Variants in HPSE2 observed in about 807,000 individuals in gnomAD.
HPSE2 encodes inactive heparanase-2.
In HPSE2, 38 loss-of-function variants were observed where a neutral mutation model predicts 60.5. The ratio of observed to expected loss-of-function variants is 0.63; its 90% CI spans 0.48 to 0.82. The LOEUF (loss-of-function observed/expected upper bound fraction) is 0.82, where lower values mean the gene tolerates loss of function less well. Ranked by LOEUF, HPSE2 falls within the 40% of genes least tolerant of loss-of-function variation. HPSE2 has a pLI of 0.00. For missense variants in HPSE2, 713 were observed against 740.4 expected (o/e 0.96, Z 0.43); for synonymous variants, 295 against 293.2 (o/e 1.01, Z -0.06).
In HPSE2 at chr10:98,864,295, G is replaced by A. The variant is rs538749306; in HGVS notation, c.611-120239C>T. The stretch of plus-strand genomic sequence containing the variant: ...TTATAGATATTTATTTTTCTTAATT[G>A]TCCTCCATGAAATTTTAATACTACA... On this transcript the variant is annotated intron_variant, in intron 3 of 11. Transcript: ENST00000370552. 4.6e-5 allele frequency among the ~76,000 whole-genome samples: 7 copies of A among 152,026 alleles called. 1 individual carries two copies. The South Asian group carries it at 1.5e-3, about 32-fold the overall frequency.
intron 9 of HPSE2, among the ~76,000 whole-genome samples, chr10:98,552,790 G>A (rs1943899991): frequency 6.6e-6 from 1 of 151,988 alleles, no homozygotes; most frequent in South Asian, 2.1e-4. Flanking sequence ...TCTTAGATTT[G>A]ATGATATGAG....
At chr10:99,299,700 C>T in the HPSE2 span, among the ~76,000 whole-genome samples, 1 of 152,088 alleles carries the variant, frequency 6.6e-6, no homozygotes, top group Non-Finnish European at 1.5e-5. Flanking sequence ...ATGCAGAAAT[C>T]ATATGTTAAC....
chr10:98,600,899 A>G (rs377302777), intron 9 of HPSE2, among the ~76,000 whole-genome samples: 51,244 of 116,056 alleles, frequency 0.44, 13,253 homozygotes, highest in Admixed American at 0.56. Flanking sequence ...ATACGTATAT[A>G]TATGTGTGTG....
chr10:99,306,565 T>C, the HPSE2 span, among the ~76,000 whole-genome samples: 3 of 152,194 alleles, frequency 2.0e-5, no homozygotes, highest in Non-Finnish European at 4.4e-5. Context: ...GTGGCATCAT[T>C]AGTCCCAACA....
intron 3 of HPSE2, among the ~76,000 whole-genome samples, chr10:98,872,993 G>A (rs984633711): frequency 6.6e-5 from 10 of 152,086 alleles, no homozygotes; most frequent in Non-Finnish European, 1.5e-4. Flanking sequence ...TGCTTGCTCT[G>A]TTTAGAAGGT....
intron 3 of HPSE2, among the ~76,000 whole-genome samples, chr10:99,054,958 C>T (rs965457573): frequency 6.6e-6 from 1 of 151,982 alleles, no homozygotes; most frequent in Non-Finnish European, 1.5e-5. Flanking sequence ...GTGATCTGCC[C>T]GCCTCAGCCT....
At chr10:99,160,674 C>T (rs1195330553) in intron 2 of HPSE2, among the ~76,000 whole-genome samples, 2 of 151,670 alleles carry the variant, frequency 1.3e-5, no homozygotes, top group Non-Finnish European at 2.9e-5. Flanking sequence ...CCGAGGCGGG[C>T]GGATCACGAG....
chr10:98,824,849 C>T (rs561859295), intron 3 of HPSE2, among the ~76,000 whole-genome samples: 5 of 152,300 alleles, frequency 3.3e-5, no homozygotes, highest in African/African-American at 1.2e-4. Flanking sequence ...TGGTATAGCA[C>T]TTAGCAGGCT....
chr10:98,736,391 C>G (rs1406961490), intron 4 of HPSE2, among the ~76,000 whole-genome samples: 1 of 152,066 alleles, frequency 6.6e-6, no homozygotes, highest in Non-Finnish European at 1.5e-5. Context: ...CTTTATACAG[C>G]AGCTGTCCCA....
the HPSE2 span, among the ~76,000 whole-genome samples, chr10:99,276,928 A>C: frequency 6.6e-6 from 1 of 152,328 alleles, no homozygotes; most frequent in Admixed American, 6.5e-5. Context: ...TGCTGATTGA[A>C]ACCATTTATA....
At chr10:99,168,923 G>T (rs1052007673) in intron 2 of HPSE2, among the ~76,000 whole-genome samples, 4 of 152,200 alleles carry the variant, frequency 2.6e-5, no homozygotes, top group African/African-American at 9.6e-5. Flanking sequence ...GGCCGGGCAT[G>T]GTGGCTTGCG....
chr10:99,030,413 T>C (rs1396514899), intron 3 of HPSE2, among the ~76,000 whole-genome samples: 1 of 152,178 alleles, frequency 6.6e-6, no homozygotes, highest in Non-Finnish European at 1.5e-5. Flanking sequence ...TAATTGATCA[T>C]CAGAGAAATA....
chr10:99,148,586 T>A (rs1394531086), intron 2 of HPSE2, among the ~76,000 whole-genome samples: 1 of 151,910 alleles, frequency 6.6e-6, no homozygotes, highest in Non-Finnish European at 1.5e-5. Flanking sequence ...AGGTCTGGAG[T>A]TTGAGACCAG....
intron 3 of HPSE2, among the ~76,000 whole-genome samples, chr10:98,994,400 A>G (rs144708727): frequency 3.9e-4 from 60 of 152,318 alleles, no homozygotes; most frequent in African/African-American, 1.4e-3. Context: ...ATTCAGCCTA[A>G]GGGCAGGGCA....
chr10:99,108,745 TTG>T (rs1844345444), intron 3 of HPSE2, among the ~76,000 whole-genome samples: 1 of 152,202 alleles, frequency 6.6e-6, no homozygotes, highest in Admixed American at 6.5e-5. Context: ...TTAGATGCTC[TTG>T]TAAGTGACAC....
intron 2 of HPSE2, among the ~76,000 whole-genome samples, chr10:99,154,816 T>A (rs1018053342): frequency 5.3e-5 from 8 of 151,892 alleles, no homozygotes; most frequent in Admixed American, 1.3e-4. Context: ...GCAAATTGGA[T>A]AAAGAGTCAA....
At chr10:98,461,255 C>A (rs1284465276) in intron 11 of HPSE2, among the ~76,000 whole-genome samples, 1 of 152,194 alleles carries the variant, frequency 6.6e-6, no homozygotes, top group Non-Finnish European at 1.5e-5. Context: ...GAGATCCAGG[C>A]CTGGCCCCAC....
intron 6 of HPSE2, among the ~76,000 whole-genome samples, chr10:98,658,016 C>T (rs1375641058): frequency 6.6e-6 from 1 of 152,110 alleles, no homozygotes; most frequent in Non-Finnish European, 1.5e-5. Flanking sequence ...TGTTTTTTCT[C>T]TTCCTTCATA....
intron 5 of HPSE2, among the ~76,000 whole-genome samples, chr10:98,718,164 T>G (rs1565105759): frequency 6.6e-6 from 1 of 152,132 alleles, no homozygotes; most frequent in Non-Finnish European, 1.5e-5. Context: ...AACAAGAAAC[T>G]GATATAACTC....
Sources: gnomAD v4.1 joint callset for allele counts (sites outside exome capture counted in the v4.1 genomes callset) on GRCh38, gnomAD v4.1.1 for gene constraint, MANE v1.5 for transcripts, NCBI Gene and HGNC (gene_info 2026-07-23, HGNC 2026-07-21) for gene names.